CDC42SE2: variants seen among roughly 807,000 people sequenced by gnomAD.
CDC42SE2 encodes CDC42 small effector protein 2.
Under a neutral mutation model 11.5 loss-of-function variants are expected in CDC42SE2, and 3 were observed. That is an observed-to-expected ratio of 0.26 (90% CI 0.12 to 0.67). The LOEUF is 0.67. Ranked by LOEUF, CDC42SE2 falls within the 30% of genes least tolerant of loss-of-function variation. The pLI is 0.80. For synonymous variants in CDC42SE2, 33 were observed against 34.8 expected (o/e 0.95, Z 0.18); for missense variants, 82 against 106.8 (o/e 0.77, Z 1.02).
chr5:131,384,906 T>C (rs1458794766), intron 3 of CDC42SE2, among the ~76,000 whole-genome samples: 1 of 106,948 alleles, frequency 9.4e-6, no homozygotes. Flanking sequence ...ATAGCAAGAC[T>C]CCATCTCAAA....
chr5:131,365,795 ATGTG>A (rs1749836204), intron 3 of CDC42SE2, among the ~76,000 whole-genome samples: 2 of 152,246 alleles, frequency 1.3e-5, no homozygotes, highest in East Asian at 1.9e-4. Flanking sequence ...ATCCTGGCTA[ATGTG>A]GTGAAACCCC....
chr5:131,291,234 A>G (rs1016998462), intron 1 of CDC42SE2, among the ~76,000 whole-genome samples: 2 of 150,614 alleles, frequency 1.3e-5, no homozygotes, highest in African/African-American at 4.9e-5. Context: ...TATGTATATG[A>G]TTTTTTTTTT....
At chr5:131,244,518 C>T (rs1305735236), upstream of CDC42SE2, among the ~76,000 whole-genome samples, 1 of 152,158 alleles carries the variant, frequency 6.6e-6, no homozygotes, top group African/African-American at 2.4e-5. Context: ...CGAGACCAGC[C>T]TAGCCAACAG....
upstream of CDC42SE2, among the ~76,000 whole-genome samples, chr5:131,260,988 G>A (rs549040748): frequency 2.0e-5 from 3 of 152,330 alleles, no homozygotes; most frequent in African/African-American, 7.2e-5. Flanking sequence ...AAATCCATTT[G>A]CTTTAAAAAT....
At chr5:131,339,738 A>AG (rs1444389789) in intron 2 of CDC42SE2, among the ~76,000 whole-genome samples, 1 of 151,218 alleles carries the variant, frequency 6.6e-6, no homozygotes, top group African/African-American at 2.4e-5. Context: ...TGAACCCAGG[A>AG]GGTGGAGGTT....
At chr5:131,311,410 A>G (rs1757910680) in intron 1 of CDC42SE2, among the ~76,000 whole-genome samples, 1 of 151,684 alleles carries the variant, frequency 6.6e-6, no homozygotes, top group Admixed American at 6.6e-5. Context: ...TGAATCTGAC[A>G]ATTATGTGTC....
chr5:131,243,365 G>A (rs1756555225), upstream of CDC42SE2, among the ~76,000 whole-genome samples: 1 of 152,134 alleles, frequency 6.6e-6, no homozygotes, highest in Non-Finnish European at 1.5e-5. Context: ...GGATCACGAG[G>A]TCAGGAGCTC....
At chr5:131,219,138 G>GAAAATGTTGTACTA in the CDC42SE2 span, among the ~76,000 whole-genome samples, 1 of 151,600 alleles carries the variant, frequency 6.6e-6, no homozygotes, top group African/African-American at 2.4e-5. Flanking sequence ...TTTGTTATAA[G>GAAAATGTTGTACTA]AAAATGTTGT....
intron 1 of CDC42SE2, among the ~76,000 whole-genome samples, chr5:131,300,628 A>C (rs1215978065): frequency 6.6e-6 from 1 of 151,886 alleles, no homozygotes; most frequent in African/African-American, 2.4e-5. Context: ...CTAAAAATAC[A>C]AAAAATTAGC....
At chr5:131,264,520 C>T in intron 1 of CDC42SE2, among the ~76,000 whole-genome samples, 1 of 141,742 alleles carries the variant, frequency 7.1e-6, no homozygotes, top group Non-Finnish European at 1.6e-5. Flanking sequence ...CTTTTCACGT[C>T]TGGAAGTCGG....
intron 1 of CDC42SE2, among the ~76,000 whole-genome samples, chr5:131,247,174 CA>C (rs1252555342): frequency 6.6e-6 from 1 of 151,892 alleles, no homozygotes; most frequent in Non-Finnish European, 1.5e-5. Flanking sequence ...AGTATTTTTG[CA>C]AAAACACTAA....
intron 2 of CDC42SE2, among the ~76,000 whole-genome samples, chr5:131,334,416 T>TA (rs1158163696): frequency 6.6e-6 from 1 of 152,208 alleles, no homozygotes; most frequent in Non-Finnish European, 1.5e-5. Context: ...GATATTGGTC[T>TA]AAAATTCTCT....
At chr5:131,267,761 A>G (rs1034071913) in intron 1 of CDC42SE2, among the ~76,000 whole-genome samples, 12 of 152,158 alleles carry the variant, frequency 7.9e-5, no homozygotes, top group African/African-American at 2.4e-4. Flanking sequence ...GTTATGTTTT[A>G]AAGTCCCAGT....
Position 131,394,397 on chromosome 5 carries a change from T to TATCA in CDC42SE2, c.*3307_*3310dup, listed in dbSNP as rs1240304548. The TATCA allele has an allele frequency of 1.3e-5, 2 of 152,372 alleles. No individual in the cohort carries two copies. The highest frequency in any genetic ancestry group is 1.9e-4 in the East Asian group (1 of 5,338). 9.4% of individuals were successfully genotyped at this position (152,372 alleles called of 1,614,324 possible). On this transcript the variant is annotated 3_prime_UTR_variant, in exon 5 of 5. Coordinates refer to ENST00000505065, the MANE Select transcript of CDC42SE2 (RefSeq NM_001375635.1). Reference sequence around the variant, plus strand: ...GGGTTTAGCATTTCCAGTGCAGCATTATCAGTGGGCCTTTAAAAATACTTC... The same window carrying TATCA: ...GGGTTTAGCATTTCCAGTGCAGCATTATCAATCAGTGGGCCTTTAAAAATACTTC...
chr5:131,252,813 G>A (rs1756652134), intron 1 of CDC42SE2, among the ~76,000 whole-genome samples: 1 of 152,166 alleles, frequency 6.6e-6, no homozygotes, highest in South Asian at 2.1e-4. Context: ...TTTTATACAT[G>A]TTATTCTTCT....
intron 1 of CDC42SE2, among the ~76,000 whole-genome samples, chr5:131,268,581 T>C (rs998184902): frequency 4.6e-5 from 7 of 151,672 alleles, no homozygotes; most frequent in Admixed American, 3.9e-4. Flanking sequence ...GCCTCCCGAG[T>C]AGCTGGGATT....
intron 1 of CDC42SE2, among the ~76,000 whole-genome samples, chr5:131,264,929 T>C (rs969030082): frequency 1.7e-4 from 26 of 152,182 alleles, no homozygotes; most frequent in African/African-American, 6.3e-4. Flanking sequence ...TAGGGGAATT[T>C]TGGGGGGTGA....
intron 1 of CDC42SE2, among the ~76,000 whole-genome samples, chr5:131,273,063 C>T (rs1200481044): frequency 6.6e-6 from 1 of 151,530 alleles, no homozygotes; most frequent in African/African-American, 2.4e-5. Flanking sequence ...TATGTTTAGA[C>T]CTCTTCTATA....
At chr5:131,265,118 T>G (rs939674847) in intron 1 of CDC42SE2, among the ~76,000 whole-genome samples, 1 of 152,224 alleles carries the variant, frequency 6.6e-6, no homozygotes, top group African/African-American at 2.4e-5. Context: ...GCAAACAGTA[T>G]GTATTTTTGA....
Sources: gnomAD v4.1 joint callset for allele counts (sites outside exome capture counted in the v4.1 genomes callset) on GRCh38, gnomAD v4.1.1 for gene constraint, MANE v1.5 for transcripts, NCBI Gene and HGNC (gene_info 2026-07-23, HGNC 2026-07-21) for gene names.